The following NECTIN2 variants were observed in gnomAD, a reference collection of about 807,000 sequenced individuals.
NECTIN2 encodes the protein nectin-2.
A neutral mutation model predicts 56.9 loss-of-function variants in NECTIN2; 23 were observed. The ratio of observed to expected loss-of-function variants is 0.40; its 90% CI spans 0.29 to 0.57. The LOEUF (loss-of-function observed/expected upper bound fraction) is 0.57, where lower values mean the gene tolerates loss of function less well. Ranked by LOEUF, NECTIN2 falls within the 20% of genes least tolerant of loss-of-function variation. The probability of loss-of-function intolerance (pLI) is 0.38; values close to 1 mark genes in which losing one functional copy is unlikely to be tolerated. For missense variants in NECTIN2, 587 were observed against 718.3 expected, an observed-to-expected ratio of 0.82 and a Z score of 2.09; for synonymous variants, 302 against 313.8, an observed-to-expected ratio of 0.96 and a Z score of 0.40.
At chr19:44,883,780 A>G (rs1413710615) in intron 6 of NECTIN2, among the ~76,000 whole-genome samples, 2 of 152,132 alleles carry the variant, frequency 1.3e-5, no homozygotes, top group African/African-American at 2.4e-5. Flanking sequence ...AGCTATGATC[A>G]TGCCACTGCA....
At chr19:44,853,025 T>C (rs1179060837) in intron 1 of NECTIN2, among the ~76,000 whole-genome samples, 1 of 151,866 alleles carries the variant, frequency 6.6e-6, no homozygotes, top group Non-Finnish European at 1.5e-5. Context: ...GGTGGTAGGA[T>C]TGCTTGAACC....
intron 1 of NECTIN2, among the ~76,000 whole-genome samples, chr19:44,853,396 C>G (rs1260827764): frequency 1.3e-5 from 2 of 151,602 alleles, no homozygotes; most frequent in Non-Finnish European, 2.9e-5. Context: ...GTGGTTTCAC[C>G]GTGTTAGCCA....
intron 2 of NECTIN2, among the ~76,000 whole-genome samples, chr19:44,869,241 G>A (rs1969141700): frequency 6.6e-6 from 1 of 152,096 alleles, no homozygotes; most frequent in Admixed American, 6.6e-5. Context: ...GGGAGGCTGA[G>A]AGGCAACAAG....
intron 5 of NECTIN2, among the ~76,000 whole-genome samples, chr19:44,880,000 C>T (rs1969290154): frequency 6.6e-6 from 1 of 151,848 alleles, no homozygotes; most frequent in Non-Finnish European, 1.5e-5. Context: ...TCTCTCACTC[C>T]CCCACCCTCT....
At chr19:44,886,021 C>A in intron 7 of NECTIN2, 21 bp downstream of exon 7, 1 of 1,589,108 alleles carries the variant, frequency 6.3e-7, no homozygotes, top group Non-Finnish European at 8.6e-7. Context: ...TCCCTGGAGC[C>A]CAAGCTATCC....
At chr19:44,880,620 G>A (rs542360967) in intron 5 of NECTIN2, among the ~76,000 whole-genome samples, 1 of 142,932 alleles carries the variant, frequency 7.0e-6, no homozygotes, top group Non-Finnish European at 1.5e-5. Context: ...CTTGAGTAAC[G>A]CACCCAGCCT....
chr19:44,881,131 T>C (rs1012497781), intron 5 of NECTIN2, among the ~76,000 whole-genome samples: 1 of 151,910 alleles, frequency 6.6e-6, no homozygotes, highest in African/African-American at 2.4e-5. Context: ...CTCGTTGCCC[T>C]GGCTGGTCTT....
At chr19:44,863,460 C>T (rs561455597) in intron 1 of NECTIN2, among the ~76,000 whole-genome samples, 199 of 152,168 alleles carry the variant, frequency 1.3e-3, no homozygotes, top group African/African-American at 4.6e-3. Flanking sequence ...CTGTTGGGTA[C>T]GCTGTTTGCT....
At chr19:44,876,922 C>A (rs1969245585) in intron 5 of NECTIN2, among the ~76,000 whole-genome samples, 1 of 151,996 alleles carries the variant, frequency 6.6e-6, no homozygotes. Context: ...ACAGACTCAG[C>A]TTCGAGTTCC....
intron 1 of NECTIN2, among the ~76,000 whole-genome samples, chr19:44,863,493 A>G (rs1480822513): frequency 3.3e-5 from 5 of 152,306 alleles, no homozygotes; most frequent in Admixed American, 3.3e-4. Context: ...GATATGCTAA[A>G]AGCCCAGACT....
Position 44,875,132 on chromosome 19 carries a change from A to G in NECTIN2, c.1042+654A>G, listed in dbSNP as rs1380871607. ...CTGAGAAATTCTGTTGCAGAGATGC[A>G]TCAGAATCCAGACACTCACCTGGAT... On this transcript the variant is annotated intron_variant, in intron 5 of 8. Coordinates refer to ENST00000252483, the MANE Select transcript of NECTIN2 (RefSeq NM_001042724.2). This position sits in a 1 kb window ranked among gnomAD's most constrained non-coding sequence, Gnocchi z 4.2. Among the ~76,000 whole-genome samples, 1 of 152,186 alleles carries G rather than the reference A, an allele frequency of 6.6e-6. No homozygotes were observed. The highest frequency in any genetic ancestry group is 2.4e-5 in the African/African-American group (1 of 41,432).
chr19:44,880,036 G>A (rs1969290449), intron 5 of NECTIN2, among the ~76,000 whole-genome samples: 1 of 152,220 alleles, frequency 6.6e-6, no homozygotes, highest in African/African-American at 2.4e-5. Flanking sequence ...ATGCCAGGCT[G>A]TGGAACGGGA....
intron 5 of NECTIN2, among the ~76,000 whole-genome samples, chr19:44,880,629 CT>C (rs572343892): frequency 3.6e-4 from 50 of 139,490 alleles, no homozygotes; most frequent in East Asian, 4.1e-4. Context: ...CGCACCCAGC[CT>C]TTTTTTTTTT....
Position 44,875,615 on chromosome 19 carries a change from A to G in NECTIN2, c.1042+1137A>G, listed in dbSNP as rs1969228150. Among the ~76,000 whole-genome samples the G allele has an allele frequency of 6.6e-6, 1 of 152,196 alleles. No individual in the cohort carries two copies. The highest frequency in any genetic ancestry group is 1.5e-5 in the Non-Finnish European group (1 of 68,030). ...GCCAGGGCGACGGTCCATGCAGCAC[A>G]CCTGTGCAAACACGCAATGTGCAGG... is the stretch of plus-strand genomic sequence containing the variant. On this transcript the variant is annotated intron_variant, in intron 5 of 8. Coordinates refer to ENST00000252483, the MANE Select transcript of NECTIN2 (RefSeq NM_001042724.2). The surrounding 1 kb of genome is among the most constrained non-coding windows in gnomAD (Gnocchi z 4.2).
intron 2 of NECTIN2, among the ~76,000 whole-genome samples, chr19:44,871,599 G>T (rs1969175030): frequency 6.6e-6 from 1 of 152,098 alleles, no homozygotes; most frequent in Admixed American, 6.6e-5. Flanking sequence ...ATTACCCTAA[G>T]CCATTTACCT....
chr19:44,877,387 C>T (rs1969251659), intron 5 of NECTIN2, among the ~76,000 whole-genome samples: 1 of 152,162 alleles, frequency 6.6e-6, no homozygotes, highest in Non-Finnish European at 1.5e-5. Flanking sequence ...TCACACTGCC[C>T]TCCTCAGCAC....
chr19:44,886,496 G>A (rs751759913), intron 8 of NECTIN2, among the ~76,000 whole-genome samples: 6 of 151,984 alleles, frequency 3.9e-5, no homozygotes, highest in Non-Finnish European at 5.9e-5. Context: ...CAAGGCAGGA[G>A]GATCACTTGG....
rs961309929 is a variant in NECTIN2, at chr19:44,875,436, T to C, written c.1042+958T>C. On this transcript the variant is annotated intron_variant, in intron 5 of 8. Coordinates refer to ENST00000252483, the MANE Select transcript of NECTIN2 (RefSeq NM_001042724.2). The surrounding 1 kb of genome is among the most constrained non-coding windows in gnomAD (Gnocchi z 4.2). ...GCTCACCACCAAACCCGGCTAAGTT[T>C]TGTATTTTTAGTAGAGACAGGGTTT... Among the ~76,000 whole-genome samples the C allele has an allele frequency of 6.6e-6, 1 of 152,108 alleles. No homozygotes were observed. Among genetic ancestry groups the C allele is most frequent in the Admixed American group, 6.5e-5 (1 of 15,274 alleles).
chr19:44,874,653 G>T lies in NECTIN2; in HGVS notation c.1042+175G>T, dbSNP rs1432829645. 2.6e-6 allele frequency: 2 copies of T among 759,514 alleles called. No individual in the cohort carries two copies. Among genetic ancestry groups the T allele is most frequent in the East Asian group, 5.5e-5 (2 of 36,334 alleles). The allele number at this position is 759,514 out of a possible 1,614,324, so 47.0% of individuals were successfully genotyped here. ...CTTCCCCTCGTGGCCTCAGACTGGG[G>T]TCTGGATTTGGGGTGTCGGGGTAGG... On this transcript the variant is annotated intron_variant, in intron 5 of 8. Coordinates refer to ENST00000252483, the MANE Select transcript of NECTIN2 (RefSeq NM_001042724.2). This position sits in a 1 kb window ranked among gnomAD's most constrained non-coding sequence, Gnocchi z 6.3.
Sources: allele counts gnomAD v4.1 joint callset (sites outside exome capture counted in the v4.1 genomes callset), GRCh38; gene constraint gnomAD v4.1.1; non-coding constraint Gnocchi (gnomAD v3.1); transcripts MANE v1.5; gene names NCBI Gene and HGNC (gene_info 2026-07-23, HGNC 2026-07-21).